ERICH1: variants seen among roughly 807,000 people sequenced by gnomAD.
The protein encoded by ERICH1 is glutamate rich 1.
In ERICH1, 56 loss-of-function variants were observed where a neutral mutation model predicts 39.6. The observed-to-expected ratio is 1.41, with a 90% CI of 1.14 to 1.77. The LOEUF is 1.77. ERICH1 is among the 40% of genes most tolerant of loss of function. The probability of loss-of-function intolerance (pLI) is 0.00; values close to 1 mark genes in which losing one functional copy is unlikely to be tolerated. For synonymous variants in ERICH1, 313 were observed against 223.6 expected (o/e 1.40, Z -3.57); for missense variants, 826 against 575.4 (o/e 1.44, Z -4.45).
intron 3 of ERICH1, among the ~76,000 whole-genome samples, chr8:688,236 C>A (rs1807966387): frequency 7.0e-6 from 1 of 142,906 alleles, no homozygotes; most frequent in African/African-American, 2.5e-5. Context: ...GACGTTCTCG[C>A]AGAAAAGGTA....
At chr8:631,902 G>C (rs770241517) in intron 3 of ERICH1, among the ~76,000 whole-genome samples, 1 of 152,106 alleles carries the variant, frequency 6.6e-6, no homozygotes, top group Non-Finnish European at 1.5e-5. Flanking sequence ...GTTTCTAGAG[G>C]AAGATTTAAA....
At chr8:700,479 G>C (rs71512853) in intron 2 of ERICH1, among the ~76,000 whole-genome samples, 232 of 18,078 alleles carry the variant, frequency 0.013, 4 homozygotes, top group Middle Eastern at 0.17. Flanking sequence ...GACCCGCACA[G>C]GCGCACAGGC....
chr8:643,844 A>G (rs796572845), intron 3 of ERICH1, among the ~76,000 whole-genome samples: 14 of 152,324 alleles, frequency 9.2e-5, no homozygotes, highest in African/African-American at 3.4e-4. Context: ...AATGATGTTT[A>G]TAAGTAGATG....
chr8:717,573 G>C (rs778904078), intron 1 of ERICH1, among the ~76,000 whole-genome samples: 11 of 152,234 alleles, frequency 7.2e-5, no homozygotes, highest in South Asian at 2.1e-4. Flanking sequence ...AGCTGGTGAT[G>C]AGCAGAGGAG....
rs952316118 is a variant in ERICH1 at position 649,023 on chromosome 8, T to G, written c.976+19575A>C. Among the ~76,000 whole-genome samples, 9 of 69,112 alleles carry G rather than the reference T, an allele frequency of 1.3e-4. 4 individuals are homozygous for G. Among genetic ancestry groups the G allele is most frequent in the African/African-American group, 2.9e-4 (8 of 27,382 alleles). The allele number at this position is 69,112 out of a possible 152,430, so 45.3% of individuals were successfully genotyped here. On this transcript the variant is annotated intron_variant, in intron 3 of 3. Transcript: ENST00000522706. ...GTGTTCAGGGATATTTGCATACTAG[T>G]GCAAATATGTTAAGCTCAGCAGGGT... is the stretch of plus-strand genomic sequence containing the variant.
intron 1 of ERICH1, among the ~76,000 whole-genome samples, chr8:722,965 G>T (rs1817684769): frequency 6.6e-6 from 1 of 152,208 alleles, no homozygotes. Flanking sequence ...GACTTGGTTT[G>T]GATGTGTCCC....
chr8:627,468 T>C (rs1161063289), intron 3 of ERICH1, among the ~76,000 whole-genome samples: 1 of 152,196 alleles, frequency 6.6e-6, no homozygotes, highest in Non-Finnish European at 1.5e-5. Flanking sequence ...TATCGTTAAC[T>C]CCCAGCACAG....
intron 3 of ERICH1, among the ~76,000 whole-genome samples, chr8:683,927 C>A (rs529267191): frequency 6.6e-6 from 1 of 152,098 alleles, no homozygotes; most frequent in Non-Finnish European, 1.5e-5. Context: ...ACTTTGATAC[C>A]GAATTAATGT....
At chr8:665,790 CAGAGG>C (rs1002720749) in intron 5 of ERICH1, among the ~76,000 whole-genome samples, 17 of 152,314 alleles carry the variant, frequency 1.1e-4, no homozygotes, top group African/African-American at 4.1e-4. Flanking sequence ...ACTGCTGAGC[CAGAGG>C]AGAGGCAGAG....
At chr8:681,754 T>A (rs1197560596) in intron 3 of ERICH1, among the ~76,000 whole-genome samples, 1 of 152,224 alleles carries the variant, frequency 6.6e-6, no homozygotes, top group South Asian at 2.1e-4. Flanking sequence ...CGCACTTACA[T>A]CTGGGTGGAA....
intron 2 of ERICH1, among the ~76,000 whole-genome samples, chr8:712,317 C>A (rs1814917454): frequency 6.6e-6 from 1 of 152,108 alleles, no homozygotes; most frequent in Non-Finnish European, 1.5e-5. Flanking sequence ...TCTTTGATTT[C>A]TTTCATCAGA....
intron 3 of ERICH1, among the ~76,000 whole-genome samples, chr8:687,307 G>C (rs919320555): frequency 2.0e-5 from 3 of 152,154 alleles, no homozygotes; most frequent in Admixed American, 6.5e-5. Flanking sequence ...CTTGCCTTAC[G>C]GGCTGTTTTT....
chr8:637,095 G>T (rs1474886846), intron 3 of ERICH1, among the ~76,000 whole-genome samples: 1 of 152,246 alleles, frequency 6.6e-6, no homozygotes, highest in Non-Finnish European at 1.5e-5. Context: ...TTGCCTGAAG[G>T]CTAACGACAC....
chr8:727,899 G>T (rs1207619689), intron 1 of ERICH1, among the ~76,000 whole-genome samples: 1 of 152,202 alleles, frequency 6.6e-6, no homozygotes, highest in Non-Finnish European at 1.5e-5. Context: ...GTGGGGCAGG[G>T]ACTCTGCTTA....
At chr8:711,598 A>G (rs547686785) in intron 2 of ERICH1, among the ~76,000 whole-genome samples, 2 of 152,126 alleles carry the variant, frequency 1.3e-5, no homozygotes, top group South Asian at 4.2e-4. Flanking sequence ...CCTGGGTTCA[A>G]GCAATTCTTC....
intron 2 of ERICH1, among the ~76,000 whole-genome samples, chr8:697,250 C>T (rs1810530492): frequency 6.6e-6 from 1 of 152,192 alleles, no homozygotes; most frequent in African/African-American, 2.4e-5. Context: ...GCAAATGGCC[C>T]CAGGGGACAA....
chr8:722,854 G>A (rs76362597), intron 1 of ERICH1, among the ~76,000 whole-genome samples: 1,542 of 152,334 alleles, frequency 0.01, 35 homozygotes, highest in African/African-American at 0.036. Flanking sequence ...CTGTAAAACC[G>A]ATAGGACCAC....
intron 2 of ERICH1, among the ~76,000 whole-genome samples, chr8:711,376 T>C (rs1306399617): frequency 1.3e-5 from 2 of 152,214 alleles, no homozygotes; most frequent in African/African-American, 2.4e-5. Flanking sequence ...CAATTCTTTC[T>C]TTGATTGATC....
chr8:628,313 A>C (rs190441120), intron 3 of ERICH1, among the ~76,000 whole-genome samples: 176 of 152,290 alleles, frequency 1.2e-3, no homozygotes, highest in Admixed American at 3.7e-3. Context: ...CTGCATCCCA[A>C]CTGTCTGCTG....
Sources: allele counts gnomAD v4.1 joint callset (sites outside exome capture counted in the v4.1 genomes callset), GRCh38; gene constraint gnomAD v4.1.1; transcripts MANE v1.5; gene names NCBI Gene and HGNC (gene_info 2026-07-23, HGNC 2026-07-21).